ATE1: variants seen among roughly 807,000 people sequenced by gnomAD.
ATE1 encodes the protein arginyl-tRNA--protein transferase 1.
ATE1 carries 36 observed loss-of-function variants against 70.5 expected under a neutral mutation model. The ratio of observed to expected loss-of-function variants is 0.51; its 90% CI spans 0.39 to 0.67. The LOEUF (loss-of-function observed/expected upper bound fraction) is 0.67, where lower values mean the gene tolerates loss of function less well. Ranked by LOEUF, ATE1 falls within the 30% of genes least tolerant of loss-of-function variation. The probability of loss-of-function intolerance (pLI) is 0.00; values close to 1 mark genes in which losing one functional copy is unlikely to be tolerated. For synonymous variants in ATE1, 232 were observed against 219.3 expected (o/e 1.06, Z -0.51); for missense variants, 593 against 629.5 (o/e 0.94, Z 0.62).
At chr10:121,791,943 G>C (rs1390882505) in intron 10 of ATE1, among the ~76,000 whole-genome samples, 3 of 152,186 alleles carry the variant, frequency 2.0e-5, no homozygotes, top group African/African-American at 7.2e-5. Flanking sequence ...TCTATACCAG[G>C]TGCTGTGTGA....
chr10:121,874,754 C>T (rs887157943), intron 7 of ATE1, among the ~76,000 whole-genome samples: 1 of 152,074 alleles, frequency 6.6e-6, no homozygotes, highest in Non-Finnish European at 1.5e-5. Flanking sequence ...ACCTGTAATC[C>T]CAGCACTTTG....
intron 11 of ATE1, among the ~76,000 whole-genome samples, chr10:121,769,545 T>C (rs915088808): frequency 1.3e-5 from 2 of 152,170 alleles, no homozygotes; most frequent in Non-Finnish European, 1.5e-5. Flanking sequence ...AATTTTTAAA[T>C]TGATACCTAG....
At chr10:121,757,845 T>C (rs776469356) in intron 11 of ATE1, among the ~76,000 whole-genome samples, 4 of 152,248 alleles carry the variant, frequency 2.6e-5, no homozygotes, top group Non-Finnish European at 5.9e-5. Context: ...CTAAACTGTG[T>C]TCTTCACCTT....
At chr10:121,799,340 G>C (rs977792366) in intron 10 of ATE1, among the ~76,000 whole-genome samples, 1 of 152,048 alleles carries the variant, frequency 6.6e-6, no homozygotes, top group Non-Finnish European at 1.5e-5. Context: ...ATGCACAGGT[G>C]AAAGAATCAG....
intron 11 of ATE1, among the ~76,000 whole-genome samples, chr10:121,782,854 T>C (rs1946052304): frequency 1.3e-5 from 2 of 152,168 alleles, no homozygotes; most frequent in Admixed American, 1.3e-4. Flanking sequence ...ATTCTACATC[T>C]TCCTCCCGTA....
intron 5 of ATE1, among the ~76,000 whole-genome samples, chr10:121,903,765 T>C (rs1951077293): frequency 6.6e-6 from 1 of 152,118 alleles, no homozygotes; most frequent in South Asian, 2.1e-4. Context: ...TGGGTCTCAT[T>C]AGTTCAGCTG....
At chr10:121,836,610 C>G in intron 10 of ATE1, 108 bp downstream of exon 10, 1 of 633,760 alleles carries the variant, frequency 1.6e-6, no homozygotes, top group Non-Finnish European at 2.7e-6. Flanking sequence ...TCCTATTAAC[C>G]CATTCGTCCT....
At chr10:121,839,709 T>C (rs1387225850) in intron 9 of ATE1, among the ~76,000 whole-genome samples, 1 of 152,164 alleles carries the variant, frequency 6.6e-6, no homozygotes, top group African/African-American at 2.4e-5. Flanking sequence ...TATTACCTAA[T>C]TGTGGATTTG....
chr10:121,927,405 T>G, intron 1 of ATE1: 1 of 984,602 alleles, frequency 1.0e-6, no homozygotes, highest in Admixed American at 6.2e-5. Context: ...TCCAGGGAAG[T>G]CTGATTCATA....
chr10:121,885,614 T>C lies in ATE1; in HGVS notation c.942+14252A>G, dbSNP rs186246947. Among the ~76,000 whole-genome samples the C allele has an allele frequency of 1.0e-4, 15 of 147,094 alleles. No individual in the cohort carries two copies. In the East Asian group the frequency reaches 3.0e-3, roughly 30 times the overall value. Reference sequence around the variant, plus strand: ...TGCCTAAAGCATTTCAAAATGTGGCTGGGTGCAGGGGCTCACACCTGGAAT... The same window carrying C: ...TGCCTAAAGCATTTCAAAATGTGGCCGGGTGCAGGGGCTCACACCTGGAAT... On this transcript the variant is annotated intron_variant, in intron 7 of 11. Coordinates refer to ENST00000224652, the MANE Select transcript of ATE1 (RefSeq NM_001001976.3).
At chr10:121,880,043 C>G (rs1950179215) in intron 7 of ATE1, among the ~76,000 whole-genome samples, 2 of 151,972 alleles carry the variant, frequency 1.3e-5, no homozygotes, top group Non-Finnish European at 2.9e-5. Flanking sequence ...ACCACAAAAC[C>G]AAGAAATCAA....
intron 11 of ATE1, among the ~76,000 whole-genome samples, chr10:121,778,953 A>G (rs923898627): frequency 2.0e-5 from 3 of 152,180 alleles, no homozygotes; most frequent in East Asian, 1.9e-4. Context: ...TGGCTGCCTC[A>G]GTCTTCTTCA....
chr10:121,782,620 T>C (rs1464305206), intron 11 of ATE1: 1 of 152,194 alleles, frequency 6.6e-6, no homozygotes, highest in Non-Finnish European at 1.5e-5. Flanking sequence ...TTTTCAGTAG[T>C]TGTGATGGTT....
intron 11 of ATE1, among the ~76,000 whole-genome samples, chr10:121,776,828 A>G (rs1283178863): frequency 6.6e-6 from 1 of 152,236 alleles, no homozygotes; most frequent in Non-Finnish European, 1.5e-5. Context: ...AGAGTTTGGA[A>G]AACACTATTC....
intron 10 of ATE1, among the ~76,000 whole-genome samples, chr10:121,805,279 C>T (rs755429234): frequency 1.3e-5 from 2 of 152,100 alleles, no homozygotes; most frequent in Non-Finnish European, 2.9e-5. Flanking sequence ...TTTTTTCTTT[C>T]TACAACTTGA....
intron 11 of ATE1, among the ~76,000 whole-genome samples, chr10:121,778,508 T>C (rs1945837660): frequency 6.6e-6 from 1 of 151,096 alleles, no homozygotes; most frequent in Non-Finnish European, 1.5e-5. Context: ...ATTCAGGACA[T>C]TACCGTTCTT....
chr10:121,805,976 G>A (rs541298223), intron 10 of ATE1, among the ~76,000 whole-genome samples: 1 of 152,192 alleles, frequency 6.6e-6, no homozygotes, highest in Non-Finnish European at 1.5e-5. Context: ...GACAGTAAGG[G>A]ACTCCTAATG....
At chr10:121,778,929 C>A (rs758033718) in intron 11 of ATE1, among the ~76,000 whole-genome samples, 7 of 152,054 alleles carry the variant, frequency 4.6e-5, no homozygotes, top group Non-Finnish European at 8.8e-5. Flanking sequence ...TGCTAAAAAA[C>A]GTGGATGTTG....
intron 7 of ATE1, among the ~76,000 whole-genome samples, chr10:121,893,573 T>G (rs778998528): frequency 6.6e-6 from 1 of 152,044 alleles, no homozygotes; most frequent in African/African-American, 2.4e-5. Context: ...CATAGATACA[T>G]GTAATATGTA....
Sources: allele counts gnomAD v4.1 joint callset (sites outside exome capture counted in the v4.1 genomes callset), GRCh38; gene constraint gnomAD v4.1.1; transcripts MANE v1.5; gene names NCBI Gene and HGNC (gene_info 2026-07-23, HGNC 2026-07-21).